The following NDUFAF6 variants were observed in gnomAD, a reference collection of about 807,000 sequenced individuals.
NDUFAF6 encodes the protein NADH:ubiquinone oxidoreductase complex assembly factor 6, also known as NADH dehydrogenase (ubiquinone) complex I, assembly factor 6.
Under a neutral mutation model 40.8 loss-of-function variants are expected in NDUFAF6, and 45 were observed. The ratio of observed to expected loss-of-function variants is 1.10; its 90% CI spans 0.87 to 1.42. NDUFAF6 has a LOEUF of 1.42. Ranked by LOEUF, NDUFAF6 falls within the 40% of genes most tolerant of loss-of-function variation. NDUFAF6 has a pLI of 0.00. For missense variants in NDUFAF6, 435 were observed against 418.5 expected (o/e 1.04, Z -0.34); for synonymous variants, 185 against 155.9 (o/e 1.19, Z -1.39).
chr8:95,110,777 A>G (rs1368395947), intron 4 of NDUFAF6, among the ~76,000 whole-genome samples: 1 of 152,162 alleles, frequency 6.6e-6, no homozygotes, highest in Admixed American at 6.5e-5. Flanking sequence ...CTAAAGGAAA[A>G]TTTGCCTCCC....
At chr8:94,920,381 C>CT (rs1356789390) in intron 1 of NDUFAF6, among the ~76,000 whole-genome samples, 1 of 152,222 alleles carries the variant, frequency 6.6e-6, no homozygotes, top group African/African-American at 2.4e-5. Flanking sequence ...AAGTCTCACT[C>CT]TACCTTCAAG....
chr8:94,910,668 A>G (rs1818722672), intron 1 of NDUFAF6, among the ~76,000 whole-genome samples: 1 of 152,228 alleles, frequency 6.6e-6, no homozygotes, highest in South Asian at 2.1e-4. Flanking sequence ...TCTATGAGTC[A>G]AAACCTGACA....
chr8:94,941,568 T>G (rs950339300), intron 1 of NDUFAF6, among the ~76,000 whole-genome samples: 2 of 152,214 alleles, frequency 1.3e-5, no homozygotes, highest in African/African-American at 4.8e-5. Flanking sequence ...CTGATTACAC[T>G]TAAAATCTGT....
chr8:95,056,600 T>G (rs1460604558), intron 8 of NDUFAF6, among the ~76,000 whole-genome samples: 3 of 152,002 alleles, frequency 2.0e-5, no homozygotes, highest in Non-Finnish European at 4.4e-5. Flanking sequence ...TATATGTAAG[T>G]TTAGGGTTTT....
chr8:95,046,787 A>G (rs1028221359), intron 5 of NDUFAF6, among the ~76,000 whole-genome samples: 17 of 152,174 alleles, frequency 1.1e-4, no homozygotes, highest in African/African-American at 3.9e-4. Flanking sequence ...CTCTTATTTA[A>G]AAGTTGAGAT....
In NDUFAF6 at chr8:95,051,479, A is replaced by G. The variant is rs182930694; in HGVS notation, c.817-695A>G. On this transcript the variant is annotated intron_variant, in intron 7 of 8. Coordinates refer to ENST00000396124, the MANE Select transcript of NDUFAF6 (RefSeq NM_152416.4). ...CAAACTGGAGTATAATGGGTTAAGA[A>G]GTAAGTCAGGAAGTAGAGGGCTTTT... 8.5e-5 allele frequency among the ~76,000 whole-genome samples: 13 copies of G among 152,304 alleles called. No homozygotes were observed. The East Asian group carries it at 2.5e-3, about 29-fold the overall frequency.
At chr8:95,045,898 A>G (rs1297655868) in intron 5 of NDUFAF6, among the ~76,000 whole-genome samples, 1 of 152,092 alleles carries the variant, frequency 6.6e-6, no homozygotes, top group East Asian at 1.9e-4. Flanking sequence ...TGAAATTAAT[A>G]ATCTGGTAAT....
chr8:95,034,274 T>C (rs752536305), intron 2 of NDUFAF6, among the ~76,000 whole-genome samples: 3 of 152,234 alleles, frequency 2.0e-5, no homozygotes, highest in Admixed American at 6.5e-5. Context: ...CGCTATAAAC[T>C]TGATTGTGTG....
chr8:94,915,393 C>A (rs1009044305), intron 1 of NDUFAF6, among the ~76,000 whole-genome samples: 7 of 152,140 alleles, frequency 4.6e-5, no homozygotes, highest in Non-Finnish European at 8.8e-5. Context: ...CTGCAAAGAA[C>A]GTATTTTTGT....
downstream of NDUFAF6, among the ~76,000 whole-genome samples, chr8:95,077,377 T>C (rs897185440): frequency 6.6e-6 from 1 of 152,166 alleles, no homozygotes; most frequent in African/African-American, 2.4e-5. Flanking sequence ...CCTGAAACCT[T>C]GGATAGTTCC....
upstream of NDUFAF6, among the ~76,000 whole-genome samples, chr8:94,954,537 T>G (rs1822909092): frequency 6.6e-6 from 1 of 152,086 alleles, no homozygotes; most frequent in Non-Finnish European, 1.5e-5. Flanking sequence ...GGTAAAGGGT[T>G]AGAGAGAAGT....
chr8:94,935,746 C>T (rs564329478), intron 1 of NDUFAF6, among the ~76,000 whole-genome samples: 1 of 152,224 alleles, frequency 6.6e-6, no homozygotes, highest in Admixed American at 6.5e-5. Context: ...GATTGGAGAA[C>T]ATAAAAATGC....
intron 2 of NDUFAF6, among the ~76,000 whole-genome samples, chr8:94,994,119 AAT>A (rs1826312561): frequency 1.3e-5 from 2 of 152,072 alleles, no homozygotes; most frequent in South Asian, 4.1e-4. Flanking sequence ...CCATGGGAAG[AAT>A]ATGTTTCCCT....
intron 1 of NDUFAF6, among the ~76,000 whole-genome samples, chr8:94,942,932 A>C (rs1046787391): frequency 2.6e-5 from 4 of 152,208 alleles, no homozygotes; most frequent in African/African-American, 9.6e-5. Context: ...AGCCTGGAAA[A>C]GGGGAAGGGA....
At chr8:94,922,071 C>T (rs149408251) in intron 1 of NDUFAF6, among the ~76,000 whole-genome samples, 3 of 151,940 alleles carry the variant, frequency 2.0e-5, no homozygotes, top group East Asian at 3.9e-4. Context: ...AACATGATCT[C>T]GGCTCACTGC....
intron 2 of NDUFAF6, among the ~76,000 whole-genome samples, chr8:95,102,281 C>A (rs1383344000): frequency 6.6e-6 from 1 of 152,208 alleles, no homozygotes; most frequent in Non-Finnish European, 1.5e-5. Flanking sequence ...CAGGCAGGAG[C>A]CACCACACCC....
upstream of NDUFAF6, chr8:95,023,208 CTCAA>C (rs1369849573): frequency 2.0e-5 from 3 of 152,308 alleles, no homozygotes; most frequent in Admixed American, 1.3e-4. Context: ...TGGACTTGTT[CTCAA>C]GTCTAATTGG....
chr8:95,088,932 G>A (rs542045964), intron 2 of NDUFAF6, among the ~76,000 whole-genome samples: 3 of 151,046 alleles, frequency 2.0e-5, no homozygotes, highest in South Asian at 4.2e-4. Context: ...GCTAATTTTT[G>A]TATTTTTTTA....
intron 3 of NDUFAF6, among the ~76,000 whole-genome samples, chr8:95,037,303 C>G (rs1215239284): frequency 6.6e-6 from 1 of 152,192 alleles, no homozygotes; most frequent in African/African-American, 2.4e-5. Context: ...CCTTCTGAAT[C>G]AGAGCTATAT....
Sources: gnomAD v4.1 joint callset for allele counts (sites outside exome capture counted in the v4.1 genomes callset) on GRCh38, gnomAD v4.1.1 for gene constraint, MANE v1.5 for transcripts, NCBI Gene and HGNC (gene_info 2026-07-23, HGNC 2026-07-21) for gene names.